OR4K1: variants seen among roughly 807,000 people sequenced by gnomAD.
OR4K1 encodes olfactory receptor 4K1.
A neutral mutation model predicts 14.4 loss-of-function variants in OR4K1; 16 were observed. The observed-to-expected ratio is 1.11, with a 90% CI of 0.75 to 1.68. The LOEUF (loss-of-function observed/expected upper bound fraction) is 1.68. Ranked by LOEUF, OR4K1 falls within the 40% of genes most tolerant of loss-of-function variation. The pLI is 0.00. For missense variants in OR4K1, 548 were observed against 376.9 expected (o/e 1.45, Z -3.76); for synonymous variants, 181 against 133.1 (o/e 1.36, Z -2.48).
the OR4K1 span, chr14:19,920,799 A>G: frequency 1.9e-6 from 3 of 1,614,048 alleles, no homozygotes; most frequent in Admixed American, 1.7e-5. Context: ...TCTCTTGGGA[A>G]ACCTTTCCTT....
the OR4K1 span, chr14:19,920,740 T>G: frequency 6.2e-7 from 1 of 1,614,172 alleles, no homozygotes; most frequent in Non-Finnish European, 8.5e-7. Context: ...AATCTTCTCA[T>G]TATCCTCACA....
At chr14:19,935,286 G>A (rs940598800) in intron 1 of OR4K1, among the ~76,000 whole-genome samples, 1 of 152,070 alleles carries the variant, frequency 6.6e-6, no homozygotes, top group Admixed American at 6.5e-5. Flanking sequence ...GAAATTATTC[G>A]AGCTAAAACT....
intron 1 of OR4K1, among the ~76,000 whole-genome samples, chr14:19,933,163 A>G (rs1484909302): frequency 6.6e-6 from 1 of 151,908 alleles, no homozygotes; most frequent in Non-Finnish European, 1.5e-5. Flanking sequence ...TTACAGTATA[A>G]TGAACTGGTA....
chr14:19,928,813 G>A (rs1343077762), upstream of OR4K1, among the ~76,000 whole-genome samples: 1 of 152,030 alleles, frequency 6.6e-6, no homozygotes, highest in Non-Finnish European at 1.5e-5. Context: ...TGAACTCCTT[G>A]TGCATCTGCT....
chr14:19,924,696 T>A, the OR4K1 span, among the ~76,000 whole-genome samples: 1 of 152,230 alleles, frequency 6.6e-6, no homozygotes, highest in Admixed American at 6.5e-5. Flanking sequence ...CATTACTGGT[T>A]ATATACCCAA....
chr14:19,935,577 T>A, intron 1 of OR4K1, 71 bp from the exon 2 acceptor site: 1 of 1,137,258 alleles, frequency 8.8e-7, no homozygotes, highest in Non-Finnish European at 1.3e-6. Context: ...TTGACTATAT[T>A]TCTTTTGTTT....
chr14:19,921,973 G>A, the OR4K1 span, among the ~76,000 whole-genome samples: 2 of 152,186 alleles, frequency 1.3e-5, no homozygotes, highest in African/African-American at 4.8e-5. Context: ...TAGTATTTAA[G>A]AATCTGAAAC....
the OR4K1 span, among the ~76,000 whole-genome samples, chr14:19,923,234 T>C: frequency 6.6e-6 from 1 of 152,250 alleles, no homozygotes; most frequent in African/African-American, 2.4e-5. Context: ...TGTATGGATT[T>C]GTTACTAGAC....
chr14:19,935,625 T>A, intron 1 of OR4K1, 23 bp from the exon 2 acceptor site: 1 of 1,486,786 alleles, frequency 6.7e-7, no homozygotes, highest in Non-Finnish European at 9.1e-7. Flanking sequence ...CATTGTGACA[T>A]TTTTCTGATT....
upstream of OR4K1, among the ~76,000 whole-genome samples, chr14:19,928,294 A>T (rs200357759): frequency 1.9e-3 from 282 of 151,962 alleles, 8 homozygotes; most frequent in East Asian, 0.04. Context: ...TATTTATTTT[A>T]TTTATTTATT....
chr14:19,925,194 C>A, the OR4K1 span, among the ~76,000 whole-genome samples: 2 of 152,096 alleles, frequency 1.3e-5, no homozygotes, highest in Admixed American at 6.5e-5. Context: ...TAACTCTAGT[C>A]AATTGAAAAA....
rs758731269 is a variant in OR4K1 at position 19,936,277 on chromosome 14, G to A, written c.611G>A (p.Gly204Asp). 5 of 1,614,092 alleles carry A rather than the reference G, an allele frequency of 3.1e-6. No individual in the cohort carries two copies. The highest frequency in any genetic ancestry group is 4.5e-5 in the East Asian group (2 of 44,900). ...GAAATTATGACCCTAACGAACAGTG[G>A]CCTGATATCATTGAGCTGTTTCCTG... ...EMEIMTLTNS[G>D]LISLSCFLAL... is the part of the protein sequence containing the mutation. Residue 204 changes from glycine to aspartate, a missense_variant, in exon 2 of 2, where the codon GGC (glycine) becomes GAC (aspartate). Gly to Asp is a moderately conservative substitution (Grantham distance 94). Transcript: ENST00000641172.
chr14:19,935,741 T>A lies in OR4K1; in HGVS notation c.75T>A (p.Leu25=). The A allele has an allele frequency of 6.2e-7, 1 of 1,613,862 alleles. No homozygotes were observed. Among genetic ancestry groups the A allele is most frequent in the East Asian group, 2.2e-5 (1 of 44,890 alleles). ...TCTCTAATTCCTGGGGACTTCAACTTTTCTTTTTTGCCATCTTCTCTATAG... is the reference window on the plus strand; with the variant it reads ...TCTCTAATTCCTGGGGACTTCAACTATTCTTTTTTGCCATCTTCTCTATAG... The part of the protein sequence containing the change: ...LGLSNSWGLQ[L]FFFAIFSIVY... The change falls in exon 2 of 2, where the codon CTT becomes CTA. Residue 25 remains leucine, a synonymous_variant. Transcript: ENST00000641172.
At chr14:19,924,128 C>T in the OR4K1 span, among the ~76,000 whole-genome samples, 8 of 152,058 alleles carry the variant, frequency 5.3e-5, no homozygotes, top group South Asian at 2.1e-4. Context: ...GGGCTGGGTG[C>T]GGTGGCTCAC....
chr14:19,935,698 A>C lies in OR4K1; in HGVS notation c.32A>C (p.Glu11Ala). 6.2e-7 allele frequency: 1 copy of C among 1,610,262 alleles called. No homozygotes were observed. The change falls in exon 2 of 2, where the codon GAG becomes GCG. Residue 11 changes from glutamate (E) to alanine (A), a missense_variant. Coordinates refer to ENST00000641172, the MANE Select transcript of OR4K1 (RefSeq NM_001004063.3). ...CACACAAATGAATCGATGGTGTCTG[A>C]GTTTGTACTTTTGGGACTCTCTAAT... MAHTNESMVS[E>A]FVLLGLSNSW...
chr14:19,935,972 C>A lies in OR4K1; in HGVS notation c.306C>A (p.Phe102Leu). The A allele has an allele frequency of 6.2e-7, 1 of 1,614,210 alleles. No homozygotes were observed. The highest frequency in any genetic ancestry group is 1.1e-5 in the South Asian group (1 of 91,076). The change falls in exon 2 of 2, where the codon TTC becomes TTA. Residue 102 changes from phenylalanine to leucine, a missense_variant. Phe to Leu is a conservative substitution (Grantham distance 22). Coordinates refer to ENST00000641172, the MANE Select transcript of OR4K1 (RefSeq NM_001004063.3). ...TTGAGGGTTGCATGGCCCAGATATT[C>A]GTTCTTCACAGTTTTGTTGGGAGTG... Reference protein sequence around the residue: ...ISFEGCMAQIFVLHSFVGSEM... With the variant: ...ISFEGCMAQILVLHSFVGSEM...
the OR4K1 span, among the ~76,000 whole-genome samples, chr14:19,922,520 C>G: frequency 6.6e-6 from 1 of 152,212 alleles, no homozygotes; most frequent in Non-Finnish European, 1.5e-5. Context: ...TTCTGAAACT[C>G]AACCTTGGGC....
chr14:19,922,536 A>T, the OR4K1 span, among the ~76,000 whole-genome samples: 3 of 152,066 alleles, frequency 2.0e-5, no homozygotes, highest in Admixed American at 6.6e-5. Context: ...TGGGCAGGGC[A>T]TCACCCTTCC....
At chr14:19,921,568 C>T in the OR4K1 span, 15 of 1,608,710 alleles carry the variant, frequency 9.3e-6, no homozygotes, top group Non-Finnish European at 1.1e-5. Flanking sequence ...GTGAGAACTT[C>T]CTTTCATTAA....
Sources: gnomAD v4.1 joint callset for allele counts (sites outside exome capture counted in the v4.1 genomes callset) on GRCh38, gnomAD v4.1.1 for gene constraint, MANE v1.5 for transcripts, NCBI Gene and HGNC (gene_info 2026-07-23, HGNC 2026-07-21) for gene names.